FKBP15: variants seen among roughly 807,000 people sequenced by gnomAD.
FKBP15 encodes the protein FKBP prolyl isomerase family member 15, also known as FK506-binding protein 15.
A neutral mutation model predicts 158.1 loss-of-function variants in FKBP15; 106 were observed. The observed-to-expected ratio is 0.67, with a 90% CI of 0.57 to 0.79. The LOEUF (loss-of-function observed/expected upper bound fraction) is 0.79. Among genes scored for constraint, FKBP15 ranks in the 30% least tolerant of loss-of-function variants. The pLI is 0.00. For synonymous variants in FKBP15, 547 were observed against 548.6 expected (o/e 1.00, Z 0.04); for missense variants, 1,287 against 1,479.1 (o/e 0.87, Z 2.13).
intron 1 of FKBP15, among the ~76,000 whole-genome samples, chr9:113,220,316 G>C (rs1243992467): frequency 1.3e-5 from 2 of 152,226 alleles, no homozygotes; most frequent in African/African-American, 4.8e-5. Context: ...GCAATGATCA[G>C]AGCTTGGTAG....
Position 113,184,462 on chromosome 9 carries a change from C to G in FKBP15, c.1609-63G>C. ...ATAAAATGAAGAAATACAATTTACC[C>G]AAGATTTGACCCTGTTGTTAAGGGG... On this transcript the variant is annotated intron_variant, in intron 16 of 27. Transcript: ENST00000238256. The surrounding 1 kb of genome is among the most constrained non-coding windows in gnomAD (Gnocchi z 4.5). 7.6e-7 allele frequency: 1 copy of G among 1,322,994 alleles called. No homozygotes were observed. The highest frequency in any genetic ancestry group is 1.1e-6 in the Non-Finnish European group (1 of 940,146). 82.0% of individuals were successfully genotyped at this position (1,322,994 alleles called of 1,614,324 possible).
chr9:113,217,138 A>C (rs1169810037), intron 1 of FKBP15, among the ~76,000 whole-genome samples: 2 of 149,124 alleles, frequency 1.3e-5, no homozygotes, highest in African/African-American at 5.0e-5. Flanking sequence ...TCCTGACCTC[A>C]GGTGATCCAC....
chr9:113,202,544 T>C lies in FKBP15; in HGVS notation c.485A>G (p.Glu162Gly), dbSNP rs753225138. The C allele has an allele frequency of 1.3e-6, 2 of 1,578,794 alleles. No homozygotes were observed. Among genetic ancestry groups the C allele is most frequent in the Admixed American group, 3.6e-5 (2 of 54,966 alleles). Reference protein sequence around the residue: ...IMFESEKAAVEFNKQVCIAKC... With the variant: ...IMFESEKAAVGFNKQVCIAKC... The stretch of plus-strand genomic sequence containing the variant: ...AGATGTTATCACCTGCTTATTGAAC[T>C]CCACAGCAGCCTTTTCCGACTCAAA... The change falls in exon 6 of 28, where the codon GAG becomes GGG. Residue 162 changes from glutamate to glycine, a missense_variant. Transcript: ENST00000238256.
chr9:113,206,734 T>TTTTG (rs1830896339), intron 3 of FKBP15, among the ~76,000 whole-genome samples, 156 bp from the exon 4 acceptor site: 1 of 139,308 alleles, frequency 7.2e-6, no homozygotes, highest in Admixed American at 7.3e-5. Context: ...TTTTTTTTTT[T>TTTTG]TGAGACAGAG....
chr9:113,187,406 G>T (rs942439682), intron 14 of FKBP15: 1 of 160,000 alleles, frequency 6.3e-6, no homozygotes, highest in African/African-American at 2.4e-5. Flanking sequence ...TTTCCACATG[G>T]TTCCACTTTT....
At chr9:113,217,210 T>TG (rs1205015121) in intron 1 of FKBP15, among the ~76,000 whole-genome samples, 27 of 141,886 alleles carry the variant, frequency 1.9e-4, no homozygotes, top group South Asian at 9.1e-4. Context: ...AGTTTTTTTT[T>TG]TTTTTTTTTT....
chr9:113,171,522 A>G, intron 24 of FKBP15, 59 bp downstream of exon 24: 4 of 1,573,682 alleles, frequency 2.5e-6, no homozygotes, highest in Non-Finnish European at 3.5e-6. Context: ...CATACTGGCC[A>G]TGTTCTTTCT....
intron 7 of FKBP15, among the ~76,000 whole-genome samples, 190 bp from the exon 8 acceptor site, chr9:113,199,113 T>C (rs984396038): frequency 9.9e-5 from 15 of 152,218 alleles, no homozygotes; most frequent in African/African-American, 2.2e-4. Context: ...AATGAATATC[T>C]CTGAAACAGT....
rs1450176116 is a variant in FKBP15, at chr9:113,169,597, G to C, written c.3112C>G (p.Leu1038Val). Reference protein sequence around the residue: ...ELSCIPSHRVLGPPTSIPPEP... With the variant: ...ELSCIPSHRVVGPPTSIPPEP... ...GGTGGAATTGAAGTCGGGGGCCCTA[G>C]AACTCTGTGGGATGGGATGCAAGAC... Residue 1038 changes from leucine to valine, a missense_variant, in exon 26 of 28, where the codon CTA (leucine) becomes GTA (valine). By Grantham distance (32) the Leu-to-Val change is conservative. Coordinates refer to ENST00000238256, the MANE Select transcript of FKBP15 (RefSeq NM_015258.2). 7.4e-6 allele frequency: 12 copies of C among 1,614,040 alleles called. No homozygotes were observed. The highest frequency in any genetic ancestry group is 1.0e-5 in the Non-Finnish European group (12 of 1,179,900).
chr9:113,194,890 C>T (rs1830641537), intron 9 of FKBP15, among the ~76,000 whole-genome samples: 1 of 152,180 alleles, frequency 6.6e-6, no homozygotes, highest in African/African-American at 2.4e-5. Context: ...TTCACCAATT[C>T]CTCACTGTTA....
chr9:113,210,949 A>C (rs575941503), intron 2 of FKBP15, among the ~76,000 whole-genome samples: 1 of 152,264 alleles, frequency 6.6e-6, no homozygotes, highest in Non-Finnish European at 1.5e-5. Flanking sequence ...CCACAGACTG[A>C]AGGCTGCACT....
At chr9:113,193,623 G>C in intron 10 of FKBP15, 74 bp from the exon 11 acceptor site, 2 of 1,258,564 alleles carry the variant, frequency 1.6e-6, no homozygotes, top group Non-Finnish European at 2.3e-6. Flanking sequence ...TATTGGATAA[G>C]CAAATTGTTT....
intron 4 of FKBP15, among the ~76,000 whole-genome samples, chr9:113,205,628 C>T (rs1471612255): frequency 6.6e-6 from 1 of 152,124 alleles, no homozygotes; most frequent in Non-Finnish European, 1.5e-5. Flanking sequence ...AAAAGTGGTA[C>T]ATAAAATTAC....
chr9:113,206,643 T>G, intron 3 of FKBP15, 65 bp from the exon 4 acceptor site: 3 of 1,211,338 alleles, frequency 2.5e-6, no homozygotes, highest in Non-Finnish European at 2.4e-6. Flanking sequence ...CAGCTTTCTT[T>G]TCTGTCATAC....
intron 8 of FKBP15, 113 bp from the exon 9 acceptor site, chr9:113,197,191 T>A: frequency 7.5e-7 from 1 of 1,340,276 alleles, no homozygotes; most frequent in South Asian, 1.4e-5. Flanking sequence ...ACTCAGTGCC[T>A]CCAGAGGTCG....
At chr9:113,204,307 C>T (rs1378266650) in intron 4 of FKBP15, among the ~76,000 whole-genome samples, 2 of 152,146 alleles carry the variant, frequency 1.3e-5, no homozygotes, top group Non-Finnish European at 2.9e-5. Flanking sequence ...CTTGAACTCC[C>T]GACCTCAGCC....
chr9:113,194,004 T>C (rs1285620362), intron 10 of FKBP15, 23 bp downstream of exon 10: 2 of 1,584,392 alleles, frequency 1.3e-6, no homozygotes, highest in South Asian at 2.3e-5. Flanking sequence ...ATAAAAGAGC[T>C]TGATACAACT....
chr9:113,171,705 C>T lies in FKBP15; in HGVS notation c.2534G>A (p.Cys845Tyr), dbSNP rs1305075104. 6.3e-7 allele frequency: 1 copy of T among 1,579,914 alleles called. No homozygotes were observed. The highest frequency in any genetic ancestry group is 1.4e-5 in the African/African-American group (1 of 71,850). The stretch of plus-strand genomic sequence containing the variant: ...TGTGATTTGGGCCTGGAGGGCTAAA[C>T]ACTGCAAAACAAACAGACTGTGGCT... The part of the protein sequence containing the change: ...QQKLVQLQEK[C>Y]LALQAQITAL... The change falls in exon 24 of 28, where the codon TGT becomes TAT. Residue 845 changes from cysteine (C) to tyrosine (Y), a missense_variant and splice_region_variant. Cys to Tyr is a radical substitution (Grantham distance 194). Coordinates refer to ENST00000238256, the MANE Select transcript of FKBP15 (RefSeq NM_015258.2).
Position 113,166,174 on chromosome 9 carries a change from G to A in FKBP15, c.3583-19C>T. 1 of 1,604,276 alleles carries A rather than the reference G, an allele frequency of 6.2e-7. No homozygotes were observed. The highest frequency in any genetic ancestry group is 8.5e-7 in the Non-Finnish European group (1 of 1,174,432). On this transcript the variant is annotated intron_variant, in intron 27 of 27. Transcript: ENST00000238256. ...TCATGCTCTGATAAAACAGGAAAGA[G>A]CAGTCAGTCCTCACTTGTGCCTGCA...
Sources: allele counts gnomAD v4.1 joint callset (sites outside exome capture counted in the v4.1 genomes callset), GRCh38; gene constraint gnomAD v4.1.1; non-coding constraint Gnocchi (gnomAD v3.1); transcripts MANE v1.5; gene names NCBI Gene and HGNC (gene_info 2026-07-23, HGNC 2026-07-21).